Variants in EPRS1 observed in about 807,000 individuals in gnomAD.
EPRS1 encodes the protein bifunctional glutamate/proline--tRNA ligase.
Under a neutral mutation model 188.3 loss-of-function variants are expected in EPRS1, and 107 were observed. The observed-to-expected ratio is 0.57, with a 90% CI of 0.49 to 0.67. The LOEUF is 0.67. Among genes scored for constraint, EPRS1 ranks in the 30% least tolerant of loss-of-function variants. EPRS1 has a pLI of 0.00. For missense variants in EPRS1, 1,577 were observed against 1,802.2 expected (o/e 0.88, Z 2.26); for synonymous variants, 596 against 593.1 (o/e 1.00, Z -0.07).
At chr1:220,033,094 C>A (rs116141600) in intron 4 of EPRS1, among the ~76,000 whole-genome samples, 2 of 152,144 alleles carry the variant, frequency 1.3e-5, no homozygotes, top group African/African-American at 4.8e-5. Context: ...AACTCCACAT[C>A]ATCCCACTAC....
intron 18 of EPRS1, among the ~76,000 whole-genome samples, chr1:219,990,473 G>A (rs561884502): frequency 1.1e-4 from 16 of 152,058 alleles, no homozygotes; most frequent in African/African-American, 3.4e-4. Flanking sequence ...AGTGCTTTAC[G>A]TGGTATCTTA....
intron 29 of EPRS1, 83 bp downstream of exon 29, chr1:219,973,155 G>A (rs2102558889): frequency 7.3e-6 from 9 of 1,237,172 alleles, no homozygotes; most frequent in Non-Finnish European, 1.0e-5. Flanking sequence ...TCCAATTGGG[G>A]CAACCCCAAA....
At position 219,983,398 on chromosome 1, in the gene EPRS1, C is replaced by A. The variant is rs1454781414; in HGVS notation, c.3091G>T (p.Val1031Phe). Reference sequence around the variant, plus strand: ...TCAATCATTTCTGACTTTGTGATGACCTTTTTAAAAGAAAAATAGTCTTTA... The same window carrying A: ...TCAATCATTTCTGACTTTGTGATGAACTTTTTAAAAGAAAAATAGTCTTTA... The part of the protein sequence containing the change: ...EENLADWYSQ[V>F]ITKSEMIEYH... Residue 1031 changes from valine (V) to phenylalanine (F), a missense_variant and splice_region_variant, in exon 22 of 32, where the codon GTC (valine) becomes TTC (phenylalanine). Transcript: ENST00000366923. The A allele has an allele frequency of 3.1e-6, 5 of 1,605,246 alleles. No homozygotes were observed. The highest frequency in any genetic ancestry group is 1.7e-5 in the Admixed American group (1 of 58,792).
At chr1:219,970,613 A>C (rs2011624) in intron 30 of EPRS1, among the ~76,000 whole-genome samples, 6,472 of 152,112 alleles carry the variant, frequency 0.043, 430 homozygotes, top group African/African-American at 0.15. Context: ...CCCCATCTCT[A>C]CTAAAAATAC....
At chr1:219,969,566 G>A (rs750087818) in intron 30 of EPRS1, among the ~76,000 whole-genome samples, 26 of 150,638 alleles carry the variant, frequency 1.7e-4, no homozygotes, top group Non-Finnish European at 1.5e-4. Flanking sequence ...TAACAATCAC[G>A]CAAATTTCAC....
At chr1:220,013,457 C>G (rs545107222) in intron 12 of EPRS1, among the ~76,000 whole-genome samples, 1 of 152,174 alleles carries the variant, frequency 6.6e-6, no homozygotes, top group South Asian at 2.1e-4. Context: ...AAATAAGGCT[C>G]TTTCTCCAAA....
intron 12 of EPRS1, among the ~76,000 whole-genome samples, chr1:220,017,845 A>C (rs898978743): frequency 6.6e-6 from 1 of 152,214 alleles, no homozygotes; most frequent in African/African-American, 2.4e-5. Context: ...TAATTAATGA[A>C]ACTTTAATAC....
In EPRS1 at chr1:220,042,182, A is replaced by C. The variant is rs12238988; in HGVS notation, c.47-1913T>G. 5.6e-3 allele frequency among the ~76,000 whole-genome samples: 741 copies of C among 132,946 alleles called. 21 individuals are homozygous for C. The East Asian group carries it at 0.11, about 20-fold the overall frequency. 87.2% of individuals were successfully genotyped at this position (132,946 alleles called of 152,430 possible). ...GGTGGCAGAGCAAGACTCCGTCCCC[A>C]AAAAAAAAAAAAAAAAAAGGCCACA... is the stretch of plus-strand genomic sequence containing the variant. On this transcript the variant is annotated intron_variant, in intron 1 of 31. Coordinates refer to ENST00000366923, the MANE Select transcript of EPRS1 (RefSeq NM_004446.3).
chr1:220,041,269 C>T (rs1204017134), intron 1 of EPRS1, among the ~76,000 whole-genome samples: 1 of 151,874 alleles, frequency 6.6e-6, no homozygotes, highest in Non-Finnish European at 1.5e-5. Flanking sequence ...GAAGTCATGG[C>T]CGCAGTGAGC....
intron 22 of EPRS1, 121 bp downstream of exon 22, chr1:219,983,068 G>A (rs1660930143): frequency 1.2e-6 from 1 of 842,776 alleles, no homozygotes; most frequent in African/African-American, 1.7e-5. Context: ...TATAAAGGTA[G>A]AAACAGAACT....
chr1:220,046,200 A>G lies in EPRS1; in HGVS notation c.46+143T>C, dbSNP rs994458380. ...GGGCGAGGGGTGCGGAGCCTCCTCCACGTACAATTCTGGGGCGAGGGGCAG... is the reference window on the plus strand; with the variant it reads ...GGGCGAGGGGTGCGGAGCCTCCTCCGCGTACAATTCTGGGGCGAGGGGCAG... On this transcript the variant is annotated intron_variant, in intron 1 of 31. Transcript: ENST00000366923. 1.8e-5 allele frequency: 17 copies of G among 950,504 alleles called. No individual in the cohort carries two copies. In the African/African-American group the frequency reaches 2.6e-4, roughly 15 times the overall value. The allele number at this position is 950,504 out of a possible 1,614,324, so 58.9% of individuals were successfully genotyped here.
At chr1:220,029,107 T>C (rs1364871717) in intron 6 of EPRS1, among the ~76,000 whole-genome samples, 3 of 152,130 alleles carry the variant, frequency 2.0e-5, no homozygotes, top group Non-Finnish European at 4.4e-5. Flanking sequence ...AAATGGCCAC[T>C]GCCAAAAAAA....
Position 219,978,526 on chromosome 1 carries a change from G to T in EPRS1, c.4083+20C>A. On this transcript the variant is annotated intron_variant, in intron 28 of 31. Coordinates refer to ENST00000366923, the MANE Select transcript of EPRS1 (RefSeq NM_004446.3). ...CAAATTGCAGATGTTGGGGGTAAAA[G>T]ATAAAGCTTAGGAATTTACCTTGAG... 3 of 1,534,308 alleles carry T rather than the reference G, an allele frequency of 2.0e-6. No homozygotes were observed. Among genetic ancestry groups the T allele is most frequent in the African/African-American group, 1.4e-5 (1 of 72,066 alleles).
chr1:220,015,522 T>TGGAAAG (rs57305274), intron 12 of EPRS1, among the ~76,000 whole-genome samples: 3 of 150,600 alleles, frequency 2.0e-5, no homozygotes, highest in East Asian at 2.0e-4. Flanking sequence ...AAATAAAAGA[T>TGGAAAG]GGAAAGGGAA....
chr1:220,046,404 G>A lies in EPRS1; in HGVS notation c.-16C>T. ...GCGTCGCCATCTCCACCAGTCCGCT[G>A]GTCCACCTGTCAGTACGCCTGGCTC... On this transcript the variant is annotated 5_prime_UTR_variant, in exon 1 of 32. Transcript: ENST00000366923. 6.2e-7 allele frequency: 1 copy of A among 1,613,916 alleles called. No individual in the cohort carries two copies. The highest frequency in any genetic ancestry group is 8.5e-7 in the Non-Finnish European group (1 of 1,179,976).
chr1:219,973,352 C>T lies in EPRS1; in HGVS notation c.4130G>A (p.Cys1377Tyr), dbSNP rs763601070. 1.4e-5 allele frequency: 23 copies of T among 1,612,286 alleles called. No homozygotes were observed. The highest frequency in any genetic ancestry group is 1.9e-5 in the Non-Finnish European group (22 of 1,179,602). ...ATCTCGTCTGACGGCTACAAACTGA[C>T]AGCTCTTCATATCACGTGGCCCAAC... ...LEVGPRDMKS[C>Y]QFVAVRRDTG... The change falls in exon 29 of 32, where the codon TGT becomes TAT. Residue 1377 changes from cysteine (C) to tyrosine (Y), a missense_variant. Physicochemically the swap from Cys to Tyr is radical, Grantham distance 194 (BLOSUM62 -2). Coordinates refer to ENST00000366923, the MANE Select transcript of EPRS1 (RefSeq NM_004446.3).
intron 13 of EPRS1, among the ~76,000 whole-genome samples, chr1:220,010,135 A>G (rs1661571197): frequency 6.6e-6 from 1 of 151,294 alleles, no homozygotes; most frequent in Non-Finnish European, 1.5e-5. Flanking sequence ...ATTTAGATGG[A>G]CCCTTCACTT....
chr1:219,971,994 G>A, intron 30 of EPRS1, 75 bp downstream of exon 30: 4 of 822,350 alleles, frequency 4.9e-6, no homozygotes, highest in Non-Finnish European at 7.8e-6. Flanking sequence ...TTAATACCAT[G>A]CATAAATTCA....
At chr1:220,039,104 G>T (rs1014605879) in intron 2 of EPRS1, among the ~76,000 whole-genome samples, 2 of 152,224 alleles carry the variant, frequency 1.3e-5, no homozygotes, top group Non-Finnish European at 2.9e-5. Context: ...CCCTGATTCT[G>T]AGGTAGCTTC....
Sources: gnomAD v4.1 joint callset for allele counts (sites outside exome capture counted in the v4.1 genomes callset) on GRCh38, gnomAD v4.1.1 for gene constraint, MANE v1.5 for transcripts, NCBI Gene and HGNC (gene_info 2026-07-23, HGNC 2026-07-21) for gene names.